LPIN1: variants seen among roughly 807,000 people sequenced by gnomAD.
LPIN1 encodes lipin 1.
Under a neutral mutation model 107.5 loss-of-function variants are expected in LPIN1, and 71 were observed. That is an observed-to-expected ratio of 0.66 (90% CI 0.55 to 0.80). The LOEUF (loss-of-function observed/expected upper bound fraction) is 0.80, where lower values mean the gene tolerates loss of function less well. Ranked by LOEUF, LPIN1 falls within the 30% of genes least tolerant of loss-of-function variation. LPIN1 has a pLI of 0.00. For synonymous variants in LPIN1, 445 were observed against 452.6 expected, an observed-to-expected ratio of 0.98 and a Z score of 0.21; for missense variants, 1,043 against 1,160.6, an observed-to-expected ratio of 0.90 and a Z score of 1.47.
chr2:11,788,946 G>T (rs993844853), intron 12 of LPIN1, among the ~76,000 whole-genome samples: 3 of 152,228 alleles, frequency 2.0e-5, no homozygotes, highest in African/African-American at 7.2e-5. Context: ...CTCCCAGTCT[G>T]CAGGGGAGAG....
chr2:11,724,926 T>A lies in LPIN1; in HGVS notation c.-72+387T>A, dbSNP rs75522670. On this transcript the variant is annotated intron_variant, in intron 1 of 21. Transcript: ENST00000396097. ...TAAACTATGGTTCACATTTATAAAA[T>A]TCTAATGTAGACAATAATTTTCCCC... Among the ~76,000 whole-genome samples, 43 of 152,334 alleles carry A rather than the reference T, an allele frequency of 2.8e-4. No individual in the cohort carries two copies. In the East Asian group the frequency reaches 8.3e-3, roughly 29 times the overall value.
intron 6 of LPIN1, 128 bp downstream of exon 6, chr2:11,776,321 G>A: frequency 8.0e-6 from 4 of 499,724 alleles, no homozygotes; most frequent in Non-Finnish European, 1.4e-5. Flanking sequence ...TATATGAAGT[G>A]AAAATTTTGA....
At chr2:11,704,942 T>C (rs1391350177) in intron 1 of LPIN1, among the ~76,000 whole-genome samples, 1 of 152,204 alleles carries the variant, frequency 6.6e-6, no homozygotes, top group Non-Finnish European at 1.5e-5. Flanking sequence ...CCTCTCAAAG[T>C]GGCCAGGAGG....
At chr2:11,781,401 T>G (rs1438245931) in intron 7 of LPIN1, among the ~76,000 whole-genome samples, 1 of 152,262 alleles carries the variant, frequency 6.6e-6, no homozygotes, top group Non-Finnish European at 1.5e-5. Context: ...ACAGATTTTC[T>G]GTAGCATTGT....
At chr2:11,679,645 C>A (rs1409777578) in intron 1 of LPIN1, among the ~76,000 whole-genome samples, 1 of 152,204 alleles carries the variant, frequency 6.6e-6, no homozygotes, top group Non-Finnish European at 1.5e-5. Flanking sequence ...GACAGATGGA[C>A]GGGATACTAA....
At chr2:11,756,239 G>A (rs1365754065) in intron 1 of LPIN1, among the ~76,000 whole-genome samples, 3 of 152,132 alleles carry the variant, frequency 2.0e-5, no homozygotes, top group Admixed American at 2.0e-4. Flanking sequence ...CCCAGATAAC[G>A]TGCCTTAGGT....
In LPIN1 at chr2:11,739,970, T is replaced by G. The variant is rs534745521; in HGVS notation, c.-71-1379T>G. Among the ~76,000 whole-genome samples, 19 of 152,302 alleles carry G rather than the reference T, an allele frequency of 1.2e-4. No homozygotes were observed. The East Asian group carries it at 3.5e-3, about 28-fold the overall frequency. Reference sequence around the variant, plus strand: ...ATGAGAGGGGATTTAATTTGGAAATTGGCTCACATGATTATGGAGGCTGAG... The same window carrying G: ...ATGAGAGGGGATTTAATTTGGAAATGGGCTCACATGATTATGGAGGCTGAG... On this transcript the variant is annotated intron_variant, in intron 1 of 21. Transcript: ENST00000396097.
chr2:11,759,891 C>A (rs1669430678), intron 1 of LPIN1, among the ~76,000 whole-genome samples: 1 of 151,894 alleles, frequency 6.6e-6, no homozygotes, highest in African/African-American at 2.4e-5. Context: ...GACGGGGTGG[C>A]TGCCGGGCGG....
chr2:11,700,651 T>A (rs1662824387), intron 1 of LPIN1, among the ~76,000 whole-genome samples: 1 of 152,182 alleles, frequency 6.6e-6, no homozygotes, highest in Admixed American at 6.5e-5. Context: ...CAGTCTCCAC[T>A]TGGCCACTTC....
intron 1 of LPIN1, among the ~76,000 whole-genome samples, chr2:11,734,049 T>C (rs1473668633): frequency 6.6e-6 from 1 of 152,166 alleles, no homozygotes; most frequent in Admixed American, 6.5e-5. Flanking sequence ...CGTACCACAC[T>C]TGATGATTCT....
chr2:11,801,279 A>G (rs1411826346), intron 14 of LPIN1, among the ~76,000 whole-genome samples: 2 of 152,252 alleles, frequency 1.3e-5, no homozygotes, highest in East Asian at 3.8e-4. Flanking sequence ...AAGGGAAATC[A>G]GGATGTCAAA....
chr2:11,746,533 T>C, upstream of LPIN1: 1 of 402,816 alleles, frequency 2.5e-6, no homozygotes, highest in South Asian at 1.0e-4. Flanking sequence ...GCGTCCCGAG[T>C]CCCCCTCGCA....
At chr2:11,679,409 A>AT (rs1661590610) in intron 1 of LPIN1, among the ~76,000 whole-genome samples, 1 of 152,176 alleles carries the variant, frequency 6.6e-6, no homozygotes. Context: ...GATATTAATT[A>AT]TTTTTCTGAT....
intron 1 of LPIN1, among the ~76,000 whole-genome samples, chr2:11,706,795 G>C (rs1405874340): frequency 6.6e-6 from 1 of 152,206 alleles, no homozygotes; most frequent in Non-Finnish European, 1.5e-5. Flanking sequence ...GGGTGAGGAG[G>C]TGGTCTATAT....
intron 1 of LPIN1, among the ~76,000 whole-genome samples, chr2:11,740,705 GAAGA>G (rs374715629): frequency 0.15 from 19,759 of 134,500 alleles, 1,981 homozygotes; most frequent in African/African-American, 0.29. Context: ...AAAAAAAAAG[GAAGA>G]AAGAAAGAAA....
chr2:11,822,570 C>A (rs1384011771), intron 20 of LPIN1, among the ~76,000 whole-genome samples: 1 of 152,082 alleles, frequency 6.6e-6, no homozygotes, highest in Non-Finnish European at 1.5e-5. Context: ...TGCAGGGAAA[C>A]TCCCCCTTAT....
At chr2:11,784,856 G>GCCGGTCTCTGCCGCTTTT in intron 9 of LPIN1, 30 bp from the exon 10 acceptor site, 1 of 1,611,778 alleles carries the variant, frequency 6.2e-7, no homozygotes. Context: ...ACAGTCCTCA[G>GCCGGTCTCTGCCGCTTTT]CCGGTCTCTG....
chr2:11,756,397 A>G (rs1052438723), intron 1 of LPIN1, among the ~76,000 whole-genome samples: 23 of 152,212 alleles, frequency 1.5e-4, no homozygotes, highest in African/African-American at 5.5e-4. Context: ...TATTTATTTT[A>G]TATTTTTTTG....
At chr2:11,792,279 T>A (rs1352435802) in intron 13 of LPIN1, 1 of 349,960 alleles carries the variant, frequency 2.9e-6, no homozygotes, top group African/African-American at 2.1e-5. Context: ...GATTTCGTCA[T>A]CTATAAAAGA....
Sources: allele counts gnomAD v4.1 joint callset (sites outside exome capture counted in the v4.1 genomes callset), GRCh38; gene constraint gnomAD v4.1.1; transcripts MANE v1.5; gene names NCBI Gene and HGNC (gene_info 2026-07-23, HGNC 2026-07-21).